SRPK2: variants seen among roughly 807,000 people sequenced by gnomAD.
SRPK2 encodes SRSF protein kinase 2.
Under a neutral mutation model 90.8 loss-of-function variants are expected in SRPK2, and 21 were observed. That is an observed-to-expected ratio of 0.23 (90% confidence interval 0.16 to 0.33). SRPK2 has a LOEUF of 0.33. Among genes scored for constraint, SRPK2 ranks in the 10% least tolerant of loss-of-function variants. SRPK2 has a pLI of 1.00. For synonymous variants in SRPK2, 288 were observed against 311.1 expected (o/e 0.93, Z 0.78); for missense variants, 620 against 869.0 (o/e 0.71, Z 3.60).
chr7:105,217,531 CAG>C (rs1563097289), intron 2 of SRPK2, among the ~76,000 whole-genome samples: 1 of 152,190 alleles, frequency 6.6e-6, no homozygotes, highest in Non-Finnish European at 1.5e-5. Context: ...ATATACCTGA[CAG>C]AGCAGGACTA....
In SRPK2 at chr7:105,117,832, A is replaced by G. The variant is rs755355007; in HGVS notation, c.*6T>C. The G allele has an allele frequency of 1.2e-5, 20 of 1,612,182 alleles. No homozygotes were observed. Among genetic ancestry groups the G allele is most frequent in the Non-Finnish European group, 1.5e-5 (18 of 1,179,988 alleles). On this transcript the variant is annotated 3_prime_UTR_variant, in exon 16 of 16. Coordinates refer to ENST00000393651, the MANE Select transcript of SRPK2 (RefSeq NM_182692.3). ...CTAGCTCAGAATGCAATATTGGTAG[A>G]ATTTGCTAAGAATTCAACCAAGGAT...
At chr7:105,169,408 T>C in intron 3 of SRPK2, 143 bp from the exon 4 acceptor site, 2 of 636,646 alleles carry the variant, frequency 3.1e-6, no homozygotes, top group Non-Finnish European at 2.7e-6. Flanking sequence ...TAATACAACA[T>C]TTTTTTCAGG....
At chr7:105,325,486 CAAAAAA>C (rs33959633) in intron 2 of SRPK2, among the ~76,000 whole-genome samples, 1 of 86,094 alleles carries the variant, frequency 1.2e-5, no homozygotes, top group East Asian at 3.5e-4. Flanking sequence ...ACCAAGTCTT[CAAAAAA>C]AAAAAAAAAA....
chr7:105,129,363 A>G (rs1446033202), intron 13 of SRPK2, among the ~76,000 whole-genome samples: 1 of 152,100 alleles, frequency 6.6e-6, no homozygotes, highest in African/African-American at 2.4e-5. Context: ...TGCACATTAC[A>G]ATGAAAAAAA....
intron 2 of SRPK2, among the ~76,000 whole-genome samples, chr7:105,322,335 T>G (rs965863854): frequency 2.0e-5 from 3 of 152,120 alleles, no homozygotes; most frequent in African/African-American, 7.2e-5. Flanking sequence ...GAGAATCGTT[T>G]GAAGCCAAGA....
At chr7:105,395,284 G>T (rs1438740777) in intron 1 of SRPK2, among the ~76,000 whole-genome samples, 1 of 151,932 alleles carries the variant, frequency 6.6e-6, no homozygotes, top group African/African-American at 2.4e-5. Flanking sequence ...GAGCCCAGGA[G>T]TTCAAGACTA....
chr7:105,316,973 C>T (rs976526705), intron 2 of SRPK2, among the ~76,000 whole-genome samples: 1 of 152,218 alleles, frequency 6.6e-6, no homozygotes, highest in African/African-American at 2.4e-5. Context: ...TTCCCTCTCC[C>T]ACTCCTTTAT....
intron 2 of SRPK2, among the ~76,000 whole-genome samples, chr7:105,324,016 T>G (rs71152958): frequency 1.8e-4 from 27 of 148,534 alleles, no homozygotes; most frequent in African/African-American, 6.0e-4. Flanking sequence ...TGTGTGTGTG[T>G]GGTGGAGTCT....
chr7:105,239,840 CAGT>C (rs1475720678), intron 2 of SRPK2, among the ~76,000 whole-genome samples: 2 of 152,328 alleles, frequency 1.3e-5, no homozygotes, highest in Non-Finnish European at 2.9e-5. Flanking sequence ...ATCTTCGCAG[CAGT>C]GTCAGATTTG....
chr7:105,399,280 A>AGC (rs1434505574), exon 1 of SRPK2: 1 of 152,216 alleles, frequency 6.6e-6, no homozygotes, highest in Non-Finnish European at 1.5e-5. Flanking sequence ...TCACTTGCAT[A>AGC]GCTGTTGCAG....
At chr7:105,302,330 G>A (rs1389134813) in intron 2 of SRPK2, among the ~76,000 whole-genome samples, 2 of 152,196 alleles carry the variant, frequency 1.3e-5, no homozygotes, top group Non-Finnish European at 2.9e-5. Flanking sequence ...GAAGCCTCTT[G>A]AGCTTTGTAA....
chr7:105,295,266 C>A (rs1319911908), intron 2 of SRPK2, among the ~76,000 whole-genome samples: 1 of 151,046 alleles, frequency 6.6e-6, no homozygotes, highest in East Asian at 1.9e-4. Context: ...TTTAATCTAT[C>A]TTTACATATT....
intron 2 of SRPK2, among the ~76,000 whole-genome samples, chr7:105,377,397 A>G (rs1820424756): frequency 6.6e-6 from 1 of 150,412 alleles, no homozygotes. Context: ...TAGAGACCTC[A>G]AAAAGGCTGG....
intron 2 of SRPK2, among the ~76,000 whole-genome samples, chr7:105,257,765 T>A (rs1803532775): frequency 6.6e-6 from 1 of 152,010 alleles, no homozygotes; most frequent in African/African-American, 2.4e-5. Context: ...TTAAAGAAAA[T>A]TAAGCTTTAA....
At chr7:105,367,734 G>A (rs568464880) in intron 2 of SRPK2, among the ~76,000 whole-genome samples, 32 of 152,242 alleles carry the variant, frequency 2.1e-4, no homozygotes, top group East Asian at 7.7e-4. Flanking sequence ...AAATAGTGCC[G>A]TGTACAGTCT....
At chr7:105,248,435 TTAAAAAAAAA>T (rs1802015094) in intron 2 of SRPK2, among the ~76,000 whole-genome samples, 1 of 109,594 alleles carries the variant, frequency 9.1e-6, no homozygotes, top group African/African-American at 3.4e-5. Context: ...TACAAAAAAT[TTAAAAAAAAA>T]AAAAAAAAAA....
At chr7:105,310,644 A>AAAATAAAT (rs72019024) in intron 2 of SRPK2, among the ~76,000 whole-genome samples, 4 of 150,240 alleles carry the variant, frequency 2.7e-5, no homozygotes, top group African/African-American at 9.8e-5. Context: ...ACCTTGTCTC[A>AAAATAAAT]AAATAAATAA....
At chr7:105,208,655 G>A (rs1467042831) in intron 2 of SRPK2, among the ~76,000 whole-genome samples, 1 of 152,138 alleles carries the variant, frequency 6.6e-6, no homozygotes, top group African/African-American at 2.4e-5. Context: ...GAAAAAAGGA[G>A]GAAAATGGGG....
chr7:105,119,253 C>G (rs1422525104), intron 15 of SRPK2, among the ~76,000 whole-genome samples: 1 of 152,110 alleles, frequency 6.6e-6, no homozygotes, highest in Non-Finnish European at 1.5e-5. Context: ...AATCAGTGCT[C>G]TGCTCACAAA....
Sources: allele counts gnomAD v4.1 joint callset (sites outside exome capture counted in the v4.1 genomes callset), GRCh38; gene constraint gnomAD v4.1.1; transcripts MANE v1.5; gene names NCBI Gene and HGNC (gene_info 2026-07-23, HGNC 2026-07-21).